IRAK1BP1: variants seen among roughly 807,000 people sequenced by gnomAD.
IRAK1BP1 encodes interleukin-1 receptor-associated kinase 1-binding protein 1.
Under a neutral mutation model 28.0 loss-of-function variants are expected in IRAK1BP1, and 24 were observed. That is an observed-to-expected ratio of 0.86 (90% CI 0.62 to 1.20). IRAK1BP1 has a LOEUF of 1.20. IRAK1BP1 is among the 50% of genes most tolerant of loss of function. The pLI is 0.00. For missense variants in IRAK1BP1, 336 were observed against 316.7 expected (o/e 1.06, Z -0.46); for synonymous variants, 131 against 116.3 (o/e 1.13, Z -0.81).
chr6:78,896,069 C>T (rs1041390260), intron 2 of IRAK1BP1, among the ~76,000 whole-genome samples: 5 of 152,130 alleles, frequency 3.3e-5, no homozygotes, highest in Admixed American at 2.0e-4. Flanking sequence ...CACTGCAAAG[C>T]ATTCCAGAGA....
the IRAK1BP1 span, chr6:78,954,942 ATCT>A: frequency 7.8e-5 from 123 of 1,570,846 alleles, 1 homozygote; most frequent in South Asian, 4.2e-4. Context: ...CTATTACGTA[ATCT>A]TCTTCTAGGC....
chr6:78,945,519 T>A (rs1415893872), exon 5 of IRAK1BP1: 2 of 1,455,020 alleles, frequency 1.4e-6, no homozygotes, highest in Non-Finnish European at 9.6e-7. Flanking sequence ...AAACAAAATT[T>A]AAAAATTAAG....
chr6:78,957,282 C>T, the IRAK1BP1 span: 1 of 151,904 alleles, frequency 6.6e-6, no homozygotes, highest in Admixed American at 6.6e-5. Context: ...AACAGATACA[C>T]ATACACATAG....
intron 4 of IRAK1BP1, among the ~76,000 whole-genome samples, chr6:78,942,453 A>G (rs1773555854): frequency 6.6e-6 from 1 of 152,202 alleles, no homozygotes; most frequent in South Asian, 2.1e-4. Flanking sequence ...ACTGCACTCC[A>G]GCCTGGGCGA....
chr6:78,949,837 C>T (rs566887436), downstream of IRAK1BP1, among the ~76,000 whole-genome samples: 36 of 151,962 alleles, frequency 2.4e-4, no homozygotes, highest in Admixed American at 3.3e-4. Flanking sequence ...TATAGGTGCA[C>T]GCCACTGCAC....
At chr6:78,884,913 G>A (rs958604727) in intron 1 of IRAK1BP1, among the ~76,000 whole-genome samples, 3 of 152,138 alleles carry the variant, frequency 2.0e-5, no homozygotes, top group South Asian at 2.1e-4. Flanking sequence ...AAAACAGCAA[G>A]TGGGAAATAG....
chr6:78,924,398 CA>C (rs1772829357), intron 4 of IRAK1BP1, among the ~76,000 whole-genome samples: 1 of 152,148 alleles, frequency 6.6e-6, no homozygotes, highest in Non-Finnish European at 1.5e-5. Context: ...AGAGCAATAA[CA>C]GGCTCTGAAA....
intron 1 of IRAK1BP1, among the ~76,000 whole-genome samples, chr6:78,879,170 A>G (rs1205456537): frequency 6.6e-6 from 1 of 151,970 alleles, no homozygotes; most frequent in Non-Finnish European, 1.5e-5. Context: ...TGGACACAGG[A>G]TGGGGAACAT....
chr6:78,954,931 T>C, the IRAK1BP1 span: 1 of 1,575,320 alleles, frequency 6.3e-7, no homozygotes, highest in African/African-American at 1.4e-5. Flanking sequence ...AAGACTGGGC[T>C]CTATTACGTA....
chr6:78,961,286 G>A, the IRAK1BP1 span, among the ~76,000 whole-genome samples: 6 of 151,442 alleles, frequency 4.0e-5, no homozygotes, highest in African/African-American at 9.7e-5. Flanking sequence ...TACATAATAC[G>A]AATACAAAAT....
At chr6:78,871,348 T>G in intron 1 of IRAK1BP1, 1 of 984,932 alleles carries the variant, frequency 1.0e-6, no homozygotes, top group Non-Finnish European at 1.2e-6. Flanking sequence ...AAGGGAGTGT[T>G]TAACCCCTTT....
At chr6:78,892,900 C>T (rs886807886) in intron 2 of IRAK1BP1, among the ~76,000 whole-genome samples, 1 of 151,880 alleles carries the variant, frequency 6.6e-6, no homozygotes, top group East Asian at 1.9e-4. Flanking sequence ...GATGTAAAAA[C>T]GAGTTAATAA....
intron 4 of IRAK1BP1, chr6:78,937,294 TG>T (rs1161511335): frequency 6.6e-6 from 1 of 151,762 alleles, no homozygotes; most frequent in Admixed American, 6.6e-5. Flanking sequence ...ATGTCAGAAT[TG>T]AAGTAAACAT....
intron 4 of IRAK1BP1, among the ~76,000 whole-genome samples, chr6:78,943,217 C>T (rs1773595696): frequency 6.6e-6 from 1 of 152,032 alleles, no homozygotes; most frequent in Non-Finnish European, 1.5e-5. Context: ...CTAGACAACA[C>T]TGCTTGATTC....
the IRAK1BP1 span, among the ~76,000 whole-genome samples, chr6:78,960,721 C>G: frequency 6.6e-6 from 1 of 152,028 alleles, no homozygotes; most frequent in South Asian, 2.1e-4. Flanking sequence ...GTGACAATGT[C>G]TGAACACATT....
chr6:78,868,152 G>C (rs193059889), intron 1 of IRAK1BP1, among the ~76,000 whole-genome samples: 1 of 152,284 alleles, frequency 6.6e-6, no homozygotes. Flanking sequence ...TTTTATCTGG[G>C]GATATTTGCT....
At chr6:78,970,505 C>T in the IRAK1BP1 span, among the ~76,000 whole-genome samples, 2 of 152,116 alleles carry the variant, frequency 1.3e-5, no homozygotes, top group South Asian at 2.1e-4. Context: ...ATCAAATTTA[C>T]GAATACAAAG....
chr6:78,920,749 C>A (rs1200190585), intron 4 of IRAK1BP1, among the ~76,000 whole-genome samples: 2 of 152,026 alleles, frequency 1.3e-5, no homozygotes, highest in Non-Finnish European at 2.9e-5. Flanking sequence ...GACAAAGACT[C>A]CAAAAGCAAT....
At chr6:78,966,203 A>C in the IRAK1BP1 span, 1 of 586,256 alleles carries the variant, frequency 1.7e-6, no homozygotes, top group Non-Finnish European at 3.1e-6. Flanking sequence ...ATAAGTAAGT[A>C]CAATCAGCAA....
Sources: gnomAD v4.1 joint callset for allele counts (sites outside exome capture counted in the v4.1 genomes callset) on GRCh38, gnomAD v4.1.1 for gene constraint, MANE v1.5 for transcripts, NCBI Gene and HGNC (gene_info 2026-07-23, HGNC 2026-07-21) for gene names.